Variants in KCNAB1 observed in about 807,000 individuals in gnomAD.
KCNAB1 encodes the protein voltage-gated potassium channel subunit beta-1.
Under a neutral mutation model 64.6 loss-of-function variants are expected in KCNAB1, and 35 were observed. The observed-to-expected ratio is 0.54, with a 90% CI of 0.41 to 0.72. KCNAB1 has a LOEUF of 0.72. Among genes scored for constraint, KCNAB1 ranks in the 30% least tolerant of loss-of-function variants. The pLI, the probability that KCNAB1 is intolerant of heterozygous loss-of-function variation, is 0.00. For missense variants in KCNAB1, 401 were observed against 512.9 expected (o/e 0.78, Z 2.11); for synonymous variants, 177 against 183.8 (o/e 0.96, Z 0.30).
At chr3:156,140,754 G>A (rs987991324) in intron 1 of KCNAB1, among the ~76,000 whole-genome samples, 1 of 152,220 alleles carries the variant, frequency 6.6e-6, no homozygotes, top group African/African-American at 2.4e-5. Context: ...CAAGGGGTGT[G>A]CAAATGTTTG....
intron 1 of KCNAB1, among the ~76,000 whole-genome samples, chr3:156,375,120 T>C (rs1711558825): frequency 7.4e-6 from 1 of 136,026 alleles, no homozygotes; most frequent in South Asian, 2.2e-4. Flanking sequence ...CATTAGACTG[T>C]CGTGATTTAT....
intron 7 of KCNAB1, among the ~76,000 whole-genome samples, chr3:156,472,643 A>G (rs977697649): frequency 5.3e-5 from 8 of 152,218 alleles, no homozygotes; most frequent in Admixed American, 5.2e-4. Context: ...CAGAGAAAGA[A>G]CTAAAGAGGT....
chr3:156,125,245 C>G (rs1429537875), intron 1 of KCNAB1, among the ~76,000 whole-genome samples: 1 of 152,082 alleles, frequency 6.6e-6, no homozygotes, highest in Non-Finnish European at 1.5e-5. Flanking sequence ...GAGATATAAC[C>G]CATACTGTAC....
intron 1 of KCNAB1, among the ~76,000 whole-genome samples, chr3:156,258,379 A>G (rs1718225207): frequency 6.6e-6 from 1 of 152,218 alleles, no homozygotes. Context: ...CATTCAGAAA[A>G]GCAAATCCTC....
chr3:156,226,298 A>G (rs1174615750), intron 1 of KCNAB1, among the ~76,000 whole-genome samples: 2 of 152,152 alleles, frequency 1.3e-5, no homozygotes, highest in Admixed American at 6.5e-5. Flanking sequence ...GCAAATAAAA[A>G]CATAAAGTGG....
chr3:156,170,083 G>A (rs1711858349), intron 1 of KCNAB1, among the ~76,000 whole-genome samples: 1 of 152,098 alleles, frequency 6.6e-6, no homozygotes, highest in Non-Finnish European at 1.5e-5. Flanking sequence ...TTCTCTTGGG[G>A]CCAAGCACAT....
At chr3:156,465,586 A>G (rs1048519122) in intron 6 of KCNAB1, 57 bp from the exon 7 acceptor site, 4 of 1,484,146 alleles carry the variant, frequency 2.7e-6, no homozygotes, top group Admixed American at 3.4e-5. Flanking sequence ...CCAGAGATTT[A>G]GAGAAGAAAA....
intron 1 of KCNAB1, among the ~76,000 whole-genome samples, chr3:156,250,791 A>G (rs542365202): frequency 6.6e-6 from 1 of 152,204 alleles, no homozygotes; most frequent in Non-Finnish European, 1.5e-5. Flanking sequence ...AAGAGTGACA[A>G]AGGTCATAGT....
intron 1 of KCNAB1, among the ~76,000 whole-genome samples, chr3:156,335,157 C>A (rs555758341): frequency 6.6e-6 from 1 of 152,346 alleles, no homozygotes; most frequent in Non-Finnish European, 1.5e-5. Context: ...ATTTCCTGAA[C>A]ACACTATTAA....
chr3:156,127,039 G>T (rs548276543), intron 1 of KCNAB1, among the ~76,000 whole-genome samples: 26 of 152,282 alleles, frequency 1.7e-4, no homozygotes, highest in Middle Eastern at 3.4e-3. Flanking sequence ...AAAATATCTA[G>T]CTCATAAGAC....
intron 1 of KCNAB1, among the ~76,000 whole-genome samples, chr3:156,389,725 T>G (rs1712886144): frequency 6.6e-6 from 1 of 152,256 alleles, no homozygotes; most frequent in Non-Finnish European, 1.5e-5. Flanking sequence ...TTTTCTCAGA[T>G]AATGCTGGTG....
intron 1 of KCNAB1, among the ~76,000 whole-genome samples, chr3:156,376,695 GA>G (rs1711702575): frequency 6.6e-6 from 1 of 152,216 alleles, no homozygotes. Context: ...AGCTTGGCTG[GA>G]AAGAAAAGGG....
intron 1 of KCNAB1, among the ~76,000 whole-genome samples, chr3:156,344,345 C>G (rs1724336750): frequency 6.6e-6 from 1 of 152,186 alleles, no homozygotes; most frequent in South Asian, 2.1e-4. Context: ...ATGCTCTCTT[C>G]TCTCCTCGCC....
chr3:156,461,758 C>A (rs1422635567), intron 5 of KCNAB1, among the ~76,000 whole-genome samples: 1 of 152,192 alleles, frequency 6.6e-6, no homozygotes. Context: ...ATTTTATATA[C>A]CTTTTGTAGA....
intron 8 of KCNAB1, among the ~76,000 whole-genome samples, chr3:156,509,760 G>A (rs567760591): frequency 1.3e-5 from 2 of 152,294 alleles, no homozygotes; most frequent in African/African-American, 4.8e-5. Context: ...GTGATGCAGT[G>A]CACTAAACTA....
chr3:156,277,100 A>G (rs1719391707), intron 1 of KCNAB1, among the ~76,000 whole-genome samples: 1 of 152,146 alleles, frequency 6.6e-6, no homozygotes, highest in Non-Finnish European at 1.5e-5. Flanking sequence ...GTTGATTTCA[A>G]TATTGTTGTA....
At chr3:156,355,051 G>T (rs562526473) in intron 1 of KCNAB1, among the ~76,000 whole-genome samples, 1 of 152,310 alleles carries the variant, frequency 6.6e-6, no homozygotes, top group Non-Finnish European at 1.5e-5. Context: ...TAACACATTT[G>T]AAATAATATC....
At chr3:156,239,671 C>T (rs953432459) in intron 1 of KCNAB1, among the ~76,000 whole-genome samples, 59 of 152,334 alleles carry the variant, frequency 3.9e-4, no homozygotes, top group African/African-American at 1.3e-3. Flanking sequence ...CACCCTTTTG[C>T]ACTTGCTCTT....
chr3:156,331,749 C>T (rs1336304919), intron 1 of KCNAB1, among the ~76,000 whole-genome samples: 1 of 151,990 alleles, frequency 6.6e-6, no homozygotes, highest in African/African-American at 2.4e-5. Flanking sequence ...ATGTCTATTT[C>T]CCAAATTCTT....
Sources: gnomAD v4.1 joint callset for allele counts (sites outside exome capture counted in the v4.1 genomes callset) on GRCh38, gnomAD v4.1.1 for gene constraint, MANE v1.5 for transcripts, NCBI Gene and HGNC (gene_info 2026-07-23, HGNC 2026-07-21) for gene names.